The following GABRB3 variants were observed in gnomAD, a reference collection of about 807,000 sequenced individuals.
The protein encoded by GABRB3 is gamma-aminobutyric acid type A receptor subunit beta3, also known as gamma-aminobutyric acid receptor subunit beta-3.
A neutral mutation model predicts 52.1 loss-of-function variants in GABRB3; 14 were observed. That is an observed-to-expected ratio of 0.27 (90% CI 0.18 to 0.42). GABRB3 has a LOEUF of 0.42. GABRB3 is among the 10% of genes least tolerant of loss of function. The probability of loss-of-function intolerance (pLI) is 1.00; values close to 1 mark genes in which losing one functional copy is unlikely to be tolerated. For missense variants in GABRB3, 307 were observed against 609.1 expected, an observed-to-expected ratio of 0.50 and a Z score of 5.22; for synonymous variants, 260 against 232.3, an observed-to-expected ratio of 1.12 and a Z score of -1.08.
chr15:26,568,031 C>T (rs763433516), intron 6 of GABRB3, among the ~76,000 whole-genome samples: 8 of 152,330 alleles, frequency 5.3e-5, no homozygotes, highest in Middle Eastern at 6.8e-3. Context: ...ATGCCAAATA[C>T]CTTGTTTATT....
intron 4 of GABRB3, among the ~76,000 whole-genome samples, chr15:26,586,274 G>C (rs1890979892): frequency 6.6e-6 from 1 of 152,010 alleles, no homozygotes; most frequent in Non-Finnish European, 1.5e-5. Flanking sequence ...TGGGATTACA[G>C]GCGTGAGCCA....
intron 4 of GABRB3, among the ~76,000 whole-genome samples, chr15:26,587,638 T>C (rs1891042763): frequency 6.6e-6 from 1 of 152,070 alleles, no homozygotes; most frequent in Non-Finnish European, 1.5e-5. Flanking sequence ...TCAAAGCTTG[T>C]GCAGGAGTTG....
chr15:26,620,167 T>G (rs1337826544), intron 4 of GABRB3, among the ~76,000 whole-genome samples: 2 of 152,126 alleles, frequency 1.3e-5, no homozygotes, highest in Non-Finnish European at 2.9e-5. Context: ...GCTGAAAACT[T>G]CCCAAAGAAA....
chr15:26,622,467 T>C (rs544621472), intron 3 of GABRB3, among the ~76,000 whole-genome samples: 1 of 152,220 alleles, frequency 6.6e-6, no homozygotes, highest in Non-Finnish European at 1.5e-5. Context: ...TGTGGAAAGA[T>C]ACAAGCTGAA....
chr15:26,750,140 C>T (rs1480577127), intron 3 of GABRB3: 2 of 152,174 alleles, frequency 1.3e-5, no homozygotes, highest in African/African-American at 4.8e-5. Context: ...GCACCTCCAA[C>T]AGAAAGAAGG....
At chr15:26,718,377 T>C (rs1223511137) in intron 3 of GABRB3, among the ~76,000 whole-genome samples, 1 of 152,222 alleles carries the variant, frequency 6.6e-6, no homozygotes, top group African/African-American at 2.4e-5. Flanking sequence ...GCCCGGCTAA[T>C]TTTGCATTTT....
rs573602761 is a variant in GABRB3 at position 26,624,698 on chromosome 15, T to C, written c.241-3164A>G. 5.1e-6 allele frequency: 5 copies of C among 983,576 alleles called. No homozygotes were observed. In the South Asian group the frequency reaches 1.4e-4, roughly 28 times the overall value. The allele number at this position is 983,576 out of a possible 1,614,324, so 60.9% of individuals were successfully genotyped here. ...AACCCGCTGCATGTGATCAGCCATG[T>C]ATGGCAAGGACTATCACATCAGTGG... On this transcript the variant is annotated intron_variant, in intron 3 of 8. Transcript: ENST00000311550.
intron 3 of GABRB3, among the ~76,000 whole-genome samples, chr15:26,766,057 G>C (rs141369921): frequency 1.9e-4 from 29 of 152,312 alleles, no homozygotes; most frequent in Admixed American, 7.2e-4. Context: ...GGTCAAGTTT[G>C]ATAATCAAAT....
At chr15:26,685,257 T>G (rs766650186) in intron 3 of GABRB3, among the ~76,000 whole-genome samples, 7 of 152,196 alleles carry the variant, frequency 4.6e-5, no homozygotes, top group Non-Finnish European at 8.8e-5. Flanking sequence ...GCTCGTCTTC[T>G]CAGTGTCTGC....
At chr15:26,757,252 CA>C (rs1890688737) in intron 3 of GABRB3, among the ~76,000 whole-genome samples, 1 of 152,134 alleles carries the variant, frequency 6.6e-6, no homozygotes, top group South Asian at 2.1e-4. Flanking sequence ...GTCAGCTCCC[CA>C]GGCCAAGTGC....
intron 4 of GABRB3, chr15:26,612,501 A>G (rs1892108622): frequency 6.6e-6 from 1 of 152,202 alleles, no homozygotes; most frequent in South Asian, 2.1e-4. Context: ...TCCACTTCTA[A>G]GAGCATCACA....
rs766672883 is a variant in GABRB3, at chr15:26,547,885, C to T, written c.1330G>A (p.Asp444Asn). The T allele has an allele frequency of 1.8e-5, 29 of 1,614,118 alleles. No individual in the cohort carries two copies. Among genetic ancestry groups the T allele is most frequent in the South Asian group, 6.6e-5 (6 of 91,086 alleles). Residue 444 changes from aspartate to asparagine, a missense_variant, in exon 9 of 9, where the codon GAT becomes AAT. Coordinates refer to ENST00000311550, the MANE Select transcript of GABRB3 (RefSeq NM_000814.6). The stretch of plus-strand genomic sequence containing the variant: ...GACCATCTGTCTATGGCATTCACAT[C>T]GGTTAGATCAGGTATTTTAATTTTG... Reference protein sequence around the residue: ...QLKIKIPDLTDVNAIDRWSRI... With the variant: ...QLKIKIPDLTNVNAIDRWSRI...
At chr15:26,595,235 G>A (rs1778738367) in intron 4 of GABRB3, among the ~76,000 whole-genome samples, 1 of 152,110 alleles carries the variant, frequency 6.6e-6, no homozygotes, top group Non-Finnish European at 1.5e-5. Flanking sequence ...TTCTGAGTTA[G>A]GCAAAGCTGA....
At chr15:26,749,663 G>A (rs947432917) in intron 3 of GABRB3, among the ~76,000 whole-genome samples, 9 of 152,110 alleles carry the variant, frequency 5.9e-5, no homozygotes, top group African/African-American at 9.7e-5. Context: ...TGCAGCTTTT[G>A]GATGGTGTTT....
intron 3 of GABRB3, among the ~76,000 whole-genome samples, chr15:26,638,383 A>T (rs1344141883): frequency 2.0e-5 from 3 of 152,156 alleles, no homozygotes; most frequent in Admixed American, 2.0e-4. Context: ...CCCAGGATAG[A>T]CGGCACCTCT....
chr15:26,722,749 C>T (rs1889674964), intron 3 of GABRB3, among the ~76,000 whole-genome samples: 1 of 152,132 alleles, frequency 6.6e-6, no homozygotes, highest in Admixed American at 6.5e-5. Flanking sequence ...GGTTTTCTGA[C>T]TCCTCCCATA....
intron 4 of GABRB3, among the ~76,000 whole-genome samples, chr15:26,599,790 T>G (rs1891522640): frequency 6.6e-6 from 1 of 152,018 alleles, no homozygotes. Flanking sequence ...AAGAGCTATC[T>G]CCTCAAATGT....
At chr15:26,555,601 G>C (rs1010631601) in intron 8 of GABRB3, among the ~76,000 whole-genome samples, 9 of 152,190 alleles carry the variant, frequency 5.9e-5, no homozygotes, top group Non-Finnish European at 8.8e-5. Flanking sequence ...CAAAACTACA[G>C]TGCTCTTGGG....
rs565805875 is a variant in GABRB3 at position 26,621,827 on chromosome 15, G to A, written c.241-293C>T. 5.3e-5 allele frequency among the ~76,000 whole-genome samples: 8 copies of A among 152,248 alleles called. No individual in the cohort carries two copies. The highest frequency in any genetic ancestry group is 1.3e-4 in the Admixed American group (2 of 15,294). On this transcript the variant is annotated intron_variant, in intron 3 of 8. Transcript: ENST00000311550. This position sits in a 1 kb window ranked among gnomAD's most constrained non-coding sequence, Gnocchi z 4.1. ...AACAGATAACAGCATAGAAATAAAC[G>A]GGAAAAAGTCATCGTAAAATCAGGT...
Sources: gnomAD v4.1 joint callset for allele counts (sites outside exome capture counted in the v4.1 genomes callset) on GRCh38, gnomAD v4.1.1 for gene constraint, Gnocchi (gnomAD v3.1) non-coding constraint, MANE v1.5 for transcripts, NCBI Gene and HGNC (gene_info 2026-07-23, HGNC 2026-07-21) for gene names.